TMEM165: variants seen among roughly 807,000 people sequenced by gnomAD.
TMEM165 encodes putative divalent cation/proton antiporter TMEM165.
A neutral mutation model predicts 30.0 loss-of-function variants in TMEM165; 19 were observed. The observed-to-expected ratio is 0.63, with a 90% CI of 0.44 to 0.93. TMEM165 has a LOEUF of 0.93. TMEM165 is among the 40% of genes least tolerant of loss of function. TMEM165 has a pLI of 0.00. For missense variants in TMEM165, 340 were observed against 417.0 expected, an observed-to-expected ratio of 0.82 and a Z score of 1.61; for synonymous variants, 168 against 162.9, an observed-to-expected ratio of 1.03 and a Z score of -0.24.
intron 1 of TMEM165, among the ~76,000 whole-genome samples, chr4:55,400,206 T>C (rs1720898688): frequency 4.1e-5 from 2 of 48,668 alleles, no homozygotes; most frequent in African/African-American, 1.1e-4. Flanking sequence ...ATATATAATT[T>C]ATATTTATAT....
chr4:55,410,790 A>G (rs1183750807), intron 1 of TMEM165, among the ~76,000 whole-genome samples: 2 of 152,206 alleles, frequency 1.3e-5, no homozygotes, highest in Non-Finnish European at 2.9e-5. Flanking sequence ...TACAAATTTG[A>G]ATGAGATGTA....
chr4:55,442,321 G>C, intron 3 of TMEM165: 1 of 874,860 alleles, frequency 1.1e-6, no homozygotes, highest in South Asian at 1.5e-5. Flanking sequence ...ATTGGCTGCA[G>C]TGAGCATCTC....
At chr4:55,449,967 T>C (rs1014002403) in intron 3 of TMEM165, 8 of 1,212,320 alleles carry the variant, frequency 6.6e-6, no homozygotes, top group Non-Finnish European at 7.1e-6. Flanking sequence ...GAAAGGTTAC[T>C]ACATTTCAGA....
At position 55,425,869 on chromosome 4, in the gene TMEM165, A is replaced by AAAC. The variant is rs1033764240; in HGVS notation, c.*419_*421dup. ...AGAATGAATTAATTTCTATTTCTTA[A>AAAC]AACATTTCCCTGAGCCAGTAAACAG... On this transcript the variant is annotated 3_prime_UTR_variant, in exon 6 of 6. Coordinates refer to ENST00000381334, the MANE Select transcript of TMEM165 (RefSeq NM_018475.5). The AAAC allele has an allele frequency of 6.5e-6, 1 of 153,546 alleles. No homozygotes were observed. The highest frequency in any genetic ancestry group is 2.4e-5 in the African/African-American group (1 of 41,498). The allele number at this position is 153,546 out of a possible 1,614,324, so 9.5% of individuals were successfully genotyped here. A position where few individuals can be genotyped will look rare whatever the true frequency, so the allele number is the denominator to read the frequency against.
intron 4 of TMEM165, 37 bp downstream of exon 4, chr4:55,418,022 A>G (rs1242042263): frequency 6.5e-7 from 1 of 1,548,894 alleles, no homozygotes; most frequent in Admixed American, 2.0e-5. Flanking sequence ...TTAAAATGAA[A>G]CGTAATTATT....
In TMEM165 at chr4:55,400,477, G is replaced by A. The variant is rs1284996851; in HGVS notation, c.207+4081G>A. On this transcript the variant is annotated intron_variant, in intron 1 of 5. Coordinates refer to ENST00000381334, the MANE Select transcript of TMEM165 (RefSeq NM_018475.5). ...ATATATTTTTTTGTCTCACTCTGTC[G>A]CCCAGGCTGGAGTGCAGTGGCGTGA... Among the ~76,000 whole-genome samples the A allele has an allele frequency of 3.6e-5, 5 of 140,716 alleles. No individual in the cohort carries two copies. In the South Asian group the frequency reaches 6.5e-4, roughly 18 times the overall value. The allele number at this position is 140,716 out of a possible 152,430, so 92.3% of individuals were successfully genotyped here.
At chr4:55,420,317 C>T (rs1721922669) in intron 4 of TMEM165, among the ~76,000 whole-genome samples, 1 of 150,780 alleles carries the variant, frequency 6.6e-6, no homozygotes, top group Admixed American at 6.6e-5. Context: ...GTTTTTCTCT[C>T]TACTCTGTGG....
intron 3 of TMEM165, among the ~76,000 whole-genome samples, chr4:55,439,405 A>G (rs1366601081): frequency 6.6e-6 from 1 of 152,170 alleles, no homozygotes; most frequent in African/African-American, 2.4e-5. Flanking sequence ...AACCTTGTGC[A>G]GTGCTGGTGG....
chr4:55,428,921 T>C (rs1722349780), downstream of TMEM165: 1 of 151,738 alleles, frequency 6.6e-6, no homozygotes, highest in South Asian at 2.1e-4. Context: ...ATAGTAAAGA[T>C]TTCAAAATCA....
At chr4:55,422,617 T>C (rs1392358708) in intron 4 of TMEM165, among the ~76,000 whole-genome samples, 1 of 152,018 alleles carries the variant, frequency 6.6e-6, no homozygotes, top group Non-Finnish European at 1.5e-5. Flanking sequence ...AGTTCATCAA[T>C]TGTGGGAGAG....
At chr4:55,448,600 G>GCA (rs1220918078) in intron 3 of TMEM165, among the ~76,000 whole-genome samples, 3 of 52,062 alleles carry the variant, frequency 5.8e-5, no homozygotes, top group African/African-American at 2.7e-4. Context: ...GCGCACGCGC[G>GCA]CGTGTGTGTG....
In TMEM165 at chr4:55,449,337, G is replaced by A. The variant is rs572627578; in HGVS notation, c.409-2902G>A. 15 of 1,423,252 alleles carry A rather than the reference G, an allele frequency of 1.1e-5. No homozygotes were observed. The African/African-American group carries it at 1.5e-4, about 15-fold the overall frequency. The allele number at this position is 1,423,252 out of a possible 1,614,324, so 88.2% of individuals were successfully genotyped here. ...AAATAGATGAATTTCTGAAGATTTA[G>A]ATCATTTTTCCCCTCTTAATAAATC... is the stretch of plus-strand genomic sequence containing the variant. On this transcript the variant is annotated intron_variant, in intron 3 of 3. Coordinates refer to the TMEM165 transcript ENST00000608091.
intron 1 of TMEM165, among the ~76,000 whole-genome samples, chr4:55,400,133 T>A (rs1217931085): frequency 7.3e-6 from 1 of 137,638 alleles, no homozygotes; most frequent in Non-Finnish European, 1.5e-5. Context: ...GCATGAGCCA[T>A]CATGCCTGGC....
intron 3 of TMEM165, among the ~76,000 whole-genome samples, chr4:55,440,276 A>G (rs1242109619): frequency 6.6e-6 from 1 of 152,170 alleles, no homozygotes; most frequent in Non-Finnish European, 1.5e-5. Context: ...AAATTCATCA[A>G]CGCAGCATAG....
At chr4:55,402,882 C>T (rs369044327) in intron 1 of TMEM165, among the ~76,000 whole-genome samples, 4,047 of 140,724 alleles carry the variant, frequency 0.029, 226 homozygotes, top group African/African-American at 0.1. Flanking sequence ...AGCTCTGCCT[C>T]CCGGGTTCAC....
chr4:55,451,109 C>T (rs1724406848), intron 3 of TMEM165, among the ~76,000 whole-genome samples: 2 of 151,942 alleles, frequency 1.3e-5, no homozygotes, highest in South Asian at 4.2e-4. Context: ...TTTCTCTTCT[C>T]TTTGTAGCAA....
intron 3 of TMEM165, among the ~76,000 whole-genome samples, chr4:55,449,889 C>T (rs551283336): frequency 1.3e-5 from 2 of 152,314 alleles, no homozygotes; most frequent in South Asian, 2.1e-4. Flanking sequence ...ACCACCTACA[C>T]ATTTTAATAG....
chr4:55,396,391 G>C lies in TMEM165; in HGVS notation c.202G>C (p.Val68Leu), dbSNP rs1325973298. 12 of 1,483,318 alleles carry C rather than the reference G, an allele frequency of 8.1e-6. No homozygotes were observed. The Admixed American group carries it at 9.3e-5, about 11-fold the overall frequency. The allele number at this position is 1,483,318 out of a possible 1,614,324, so 91.9% of individuals were successfully genotyped here. A position where few individuals can be genotyped will look rare whatever the true frequency, so the allele number is the denominator to read the frequency against. The change falls in exon 1 of 6, where the codon GTC becomes CTC. Residue 68 changes from valine to leucine, a missense_variant. Physicochemically the swap from Val to Leu is conservative, Grantham distance 32. Transcript: ENST00000381334. ...VAVQGPEPAR[V>L]EKIFTPAAPV... ...TGTGCAGGGCCCCGAGCCGGCCCGG[G>C]TCGAGGTGAGCGGGCCGGGATGGGG... is the stretch of plus-strand genomic sequence containing the variant.
chr4:55,420,106 A>AAAAAAAAAAAAAAAAAT (rs1474254120), intron 4 of TMEM165, among the ~76,000 whole-genome samples: 2 of 45,458 alleles, frequency 4.4e-5, no homozygotes, highest in African/African-American at 8.2e-5. Context: ...AAGAAAAAAA[A>AAAAAAAAAAAAAAAAAT]ATATATATAT....
Sources: allele counts gnomAD v4.1 joint callset (sites outside exome capture counted in the v4.1 genomes callset), GRCh38; gene constraint gnomAD v4.1.1; transcripts MANE v1.5; gene names NCBI Gene and HGNC (gene_info 2026-07-23, HGNC 2026-07-21).